The following NFIB variants were observed in gnomAD, a reference collection of about 807,000 sequenced individuals.
The protein encoded by NFIB is nuclear factor I B, also known as nuclear factor 1 B-type.
In NFIB, 11 loss-of-function variants were observed where a neutral mutation model predicts 61.5. The ratio of observed to expected loss-of-function variants is 0.18; its 90% CI spans 0.11 to 0.30. The LOEUF is 0.30. Among genes scored for constraint, NFIB ranks in the 10% least tolerant of loss-of-function variants. The pLI, the probability that NFIB is intolerant of heterozygous loss-of-function variation, is 1.00. For missense variants in NFIB, 471 were observed against 608.9 expected (o/e 0.77, Z 2.38); for synonymous variants, 260 against 216.5 (o/e 1.20, Z -1.76).
chr9:14,504,598 T>A, the NFIB span, among the ~76,000 whole-genome samples: 24,144 of 152,094 alleles, frequency 0.16, 1,987 homozygotes, highest in East Asian at 0.27. Flanking sequence ...CAGCTATTAT[T>A]AAAGGGGTTA....
At chr9:14,346,945 G>A (rs1174606534) in intron 1 of NFIB, among the ~76,000 whole-genome samples, 3 of 152,010 alleles carry the variant, frequency 2.0e-5, no homozygotes, top group Non-Finnish European at 2.9e-5. Context: ...GGCACTTACT[G>A]TGAGGCCGAG....
the NFIB span, among the ~76,000 whole-genome samples, chr9:14,445,912 T>C: frequency 1.3e-5 from 2 of 152,180 alleles, no homozygotes; most frequent in Non-Finnish European, 2.9e-5. Flanking sequence ...TAACATCCTT[T>C]AGAATAGCCA....
the NFIB span, among the ~76,000 whole-genome samples, chr9:14,456,892 A>G: frequency 1.3e-5 from 2 of 152,340 alleles, no homozygotes; most frequent in Admixed American, 1.3e-4. Context: ...AACATTATTA[A>G]ATGCAGAATT....
intron 2 of NFIB, among the ~76,000 whole-genome samples, chr9:14,191,235 G>A (rs1260596259): frequency 6.6e-6 from 1 of 152,088 alleles, no homozygotes; most frequent in Non-Finnish European, 1.5e-5. Flanking sequence ...GGCTAAGGTG[G>A]GAGGATCATC....
chr9:14,458,970 C>A, the NFIB span, among the ~76,000 whole-genome samples: 9 of 152,102 alleles, frequency 5.9e-5, no homozygotes, highest in Admixed American at 5.2e-4. Flanking sequence ...TCAATGCCAT[C>A]CCCATCGAGC....
intron 6 of NFIB, among the ~76,000 whole-genome samples, chr9:14,144,421 C>T (rs895085629): frequency 5.3e-5 from 8 of 152,114 alleles, no homozygotes; most frequent in African/African-American, 1.9e-4. Context: ...GTCAGTAAAA[C>T]AAGCAATAAA....
At chr9:14,214,680 G>C (rs1377087486) in intron 2 of NFIB, among the ~76,000 whole-genome samples, 1 of 152,184 alleles carries the variant, frequency 6.6e-6, no homozygotes, top group Non-Finnish European at 1.5e-5. Context: ...CAACATTTTT[G>C]AACTTCATGG....
upstream of NFIB, among the ~76,000 whole-genome samples, chr9:14,400,678 C>T (rs1402307187): frequency 6.6e-6 from 1 of 152,176 alleles, no homozygotes; most frequent in African/African-American, 2.4e-5. Flanking sequence ...CAGGAGGCCT[C>T]CATCTCAGGA....
chr9:14,168,625 C>A (rs2045204872), intron 3 of NFIB, among the ~76,000 whole-genome samples: 1 of 152,152 alleles, frequency 6.6e-6, no homozygotes, highest in African/African-American at 2.4e-5. Context: ...ATGAAATAAT[C>A]AGATTTGCAC....
chr9:14,118,938 A>G (rs900351465), intron 8 of NFIB, among the ~76,000 whole-genome samples: 1 of 152,024 alleles, frequency 6.6e-6, no homozygotes, highest in Non-Finnish European at 1.5e-5. Flanking sequence ...ATAATTAAAG[A>G]AATGTGTAAC....
At chr9:14,502,661 T>C in the NFIB span, among the ~76,000 whole-genome samples, 2 of 152,212 alleles carry the variant, frequency 1.3e-5, no homozygotes, top group Non-Finnish European at 2.9e-5. Flanking sequence ...TACAGGCAGA[T>C]TTGCTGGTAA....
intron 2 of NFIB, among the ~76,000 whole-genome samples, chr9:14,211,391 C>G (rs1366477787): frequency 6.6e-6 from 1 of 151,974 alleles, no homozygotes. Context: ...TGCACAGAAA[C>G]AGGATATAGG....
At chr9:14,394,799 T>C (rs1015449298) in intron 1 of NFIB, among the ~76,000 whole-genome samples, 4 of 152,196 alleles carry the variant, frequency 2.6e-5, no homozygotes, top group Non-Finnish European at 4.4e-5. Context: ...AACAAGTTAC[T>C]GAACTGCCCT....
chr9:14,293,132 G>A (rs988845832), intron 2 of NFIB, among the ~76,000 whole-genome samples: 1 of 152,118 alleles, frequency 6.6e-6, no homozygotes, highest in African/African-American at 2.4e-5. Flanking sequence ...ATGAAATCTG[G>A]GGACTTGATA....
At position 14,154,280 on chromosome 9, in the gene NFIB, G is replaced by A. The variant is rs142683837; in HGVS notation, c.685+1545C>T. The stretch of plus-strand genomic sequence containing the variant: ...CTACTGCCCTACTCCTAAGAAGGAT[G>A]AAAATATACCATTGAACTTGAACTC... On this transcript the variant is annotated intron_variant, in intron 4 of 10. Transcript: ENST00000380953. Among the ~76,000 whole-genome samples the A allele has an allele frequency of 3.0e-3, 454 of 152,132 alleles. 4 individuals carry two copies. Among genetic ancestry groups the A allele is most frequent in the African/African-American group, 0.01 (431 of 41,528 alleles).
chr9:14,171,143 T>C (rs544989556), intron 3 of NFIB, among the ~76,000 whole-genome samples: 2 of 152,288 alleles, frequency 1.3e-5, no homozygotes, highest in East Asian at 3.9e-4. Context: ...ACACAAGTCA[T>C]GAAACACAAA....
At chr9:14,403,214 G>C (rs2061759061), upstream of NFIB, among the ~76,000 whole-genome samples, 1 of 152,194 alleles carries the variant, frequency 6.6e-6, no homozygotes, top group Non-Finnish European at 1.5e-5. Flanking sequence ...CTACGGCTAT[G>C]AAACGATGTA....
chr9:14,453,581 A>T, the NFIB span, among the ~76,000 whole-genome samples: 1 of 152,212 alleles, frequency 6.6e-6, no homozygotes, highest in Non-Finnish European at 1.5e-5. Context: ...AGAAAACAAG[A>T]CTAAGAACAC....
intron 1 of NFIB, among the ~76,000 whole-genome samples, chr9:14,393,035 T>C (rs1473999470): frequency 6.6e-6 from 1 of 152,234 alleles, no homozygotes; most frequent in African/African-American, 2.4e-5. Context: ...AAGTCTATTT[T>C]CATTACCATC....
Sources: gnomAD v4.1 joint callset for allele counts (sites outside exome capture counted in the v4.1 genomes callset) on GRCh38, gnomAD v4.1.1 for gene constraint, MANE v1.5 for transcripts, NCBI Gene and HGNC (gene_info 2026-07-23, HGNC 2026-07-21) for gene names.